RBMS3: variants seen among roughly 807,000 people sequenced by gnomAD.
The protein encoded by RBMS3 is RNA binding motif single stranded interacting protein 3, also known as RNA-binding motif, single-stranded-interacting protein 3.
In RBMS3, 27 loss-of-function variants were observed where a neutral mutation model predicts 66.8. The ratio of observed to expected loss-of-function variants is 0.40; its 90% CI spans 0.30 to 0.56. The LOEUF (loss-of-function observed/expected upper bound fraction) is 0.56, where lower values mean the gene tolerates loss of function less well. RBMS3 is among the 20% of genes least tolerant of loss of function. The pLI is 0.40. For missense variants in RBMS3, 513 were observed against 549.5 expected (o/e 0.93, Z 0.66); for synonymous variants, 188 against 183.0 (o/e 1.03, Z -0.22).
intron 1 of RBMS3, among the ~76,000 whole-genome samples, chr3:29,409,567 G>A (rs2040179977): frequency 6.6e-6 from 1 of 152,220 alleles, no homozygotes; most frequent in Non-Finnish European, 1.5e-5. Flanking sequence ...AGGCTGAGTA[G>A]TTGGGTTCTA....
chr3:29,330,071 T>C (rs958550586), intron 1 of RBMS3, among the ~76,000 whole-genome samples: 4 of 152,146 alleles, frequency 2.6e-5, no homozygotes, highest in Admixed American at 2.6e-4. Flanking sequence ...CTAGGGACTA[T>C]AGCCAGAATA....
intron 10 of RBMS3, among the ~76,000 whole-genome samples, chr3:29,911,177 T>A (rs2060504162): frequency 6.6e-6 from 1 of 150,992 alleles, no homozygotes; most frequent in Non-Finnish European, 1.5e-5. Context: ...CTAAAAGGAG[T>A]TTTTTAGACC....
intron 13 of RBMS3, among the ~76,000 whole-genome samples, chr3:29,990,460 C>CAAAAAAA (rs10596526): frequency 4.7e-5 from 5 of 106,514 alleles, no homozygotes; most frequent in Non-Finnish European, 5.8e-5. Context: ...CTGTGAGAAA[C>CAAAAAAA]AAAAAAAAAA....
chr3:29,319,122 T>C (rs1214414707), intron 1 of RBMS3, among the ~76,000 whole-genome samples: 1 of 151,912 alleles, frequency 6.6e-6, no homozygotes, highest in African/African-American at 2.4e-5. Context: ...AGAGATCAGA[T>C]CACAAAAGAT....
chr3:29,754,499 C>A (rs1395867372), intron 5 of RBMS3, among the ~76,000 whole-genome samples: 1 of 152,148 alleles, frequency 6.6e-6, no homozygotes, highest in Non-Finnish European at 1.5e-5. Flanking sequence ...AGTTGACTGA[C>A]CTCCGCTGAC....
At chr3:29,485,251 G>A (rs552830487) in intron 2 of RBMS3, among the ~76,000 whole-genome samples, 1 of 152,240 alleles carries the variant, frequency 6.6e-6, no homozygotes, top group East Asian at 1.9e-4. Flanking sequence ...TATGAAAATT[G>A]TATTGACAAG....
intron 12 of RBMS3, among the ~76,000 whole-genome samples, chr3:29,969,806 A>G (rs913752599): frequency 3.3e-5 from 5 of 152,216 alleles, no homozygotes; most frequent in Non-Finnish European, 5.9e-5. Flanking sequence ...ATAGGAAATG[A>G]ATGCTGAGTT....
At chr3:29,515,541 A>G (rs2044588129) in intron 3 of RBMS3, among the ~76,000 whole-genome samples, 1 of 152,248 alleles carries the variant, frequency 6.6e-6, no homozygotes, top group South Asian at 2.1e-4. Flanking sequence ...TAGATGCAGG[A>G]AGACAGGCTG....
chr3:29,561,095 A>G (rs116802327), intron 3 of RBMS3, among the ~76,000 whole-genome samples: 1 of 131,084 alleles, frequency 7.6e-6, no homozygotes, highest in East Asian at 2.4e-4. Context: ...GCTACATAGT[A>G]TTCCATGGTG....
intron 2 of RBMS3, among the ~76,000 whole-genome samples, chr3:29,481,780 G>T (rs945467571): frequency 6.6e-6 from 1 of 152,080 alleles, no homozygotes; most frequent in Non-Finnish European, 1.5e-5. Flanking sequence ...GGACATACTG[G>T]CTCTATCAAA....
chr3:29,789,859 A>C (rs17024378), intron 6 of RBMS3, among the ~76,000 whole-genome samples: 1 of 152,104 alleles, frequency 6.6e-6, no homozygotes, highest in Non-Finnish European at 1.5e-5. Flanking sequence ...CTTGTGACCA[A>C]AGGAAAACTA....
chr3:29,737,896 G>T (rs2054454801), intron 4 of RBMS3, among the ~76,000 whole-genome samples: 1 of 151,214 alleles, frequency 6.6e-6, no homozygotes, highest in African/African-American at 2.4e-5. Flanking sequence ...GACAGAGAAA[G>T]AGAGGGAGAT....
intron 3 of RBMS3, among the ~76,000 whole-genome samples, chr3:29,488,798 T>C (rs972620219): frequency 1.3e-5 from 2 of 152,226 alleles, no homozygotes; most frequent in Admixed American, 6.5e-5. Flanking sequence ...TCATCAGTGA[T>C]GCAAATTGAT....
At chr3:29,365,734 G>C (rs1467679507) in intron 1 of RBMS3, among the ~76,000 whole-genome samples, 2 of 152,082 alleles carry the variant, frequency 1.3e-5, no homozygotes, top group African/African-American at 4.8e-5. Context: ...CTGCCGTTAG[G>C]TACATGCAAA....
chr3:29,564,573 T>G (rs2046676193), intron 3 of RBMS3, among the ~76,000 whole-genome samples: 1 of 152,046 alleles, frequency 6.6e-6, no homozygotes, highest in Non-Finnish European at 1.5e-5. Flanking sequence ...GTTATAGGAC[T>G]TAAATGAGAT....
intron 12 of RBMS3, among the ~76,000 whole-genome samples, chr3:29,945,628 A>T (rs1449286145): frequency 6.6e-6 from 1 of 151,766 alleles, no homozygotes; most frequent in East Asian, 1.9e-4. Context: ...ATTTACCAAT[A>T]TTCATAAAAA....
At chr3:29,631,511 A>G (rs773776000) in intron 4 of RBMS3, among the ~76,000 whole-genome samples, 1 of 151,842 alleles carries the variant, frequency 6.6e-6, no homozygotes, top group Non-Finnish European at 1.5e-5. Context: ...AAATATAAGT[A>G]TAATTATTTT....
intron 6 of RBMS3, among the ~76,000 whole-genome samples, chr3:29,849,989 G>T (rs2058891322): frequency 6.6e-6 from 1 of 152,152 alleles, no homozygotes; most frequent in Admixed American, 6.5e-5. Flanking sequence ...ATGCCTACCT[G>T]CCTTTTGCAC....
rs146449387 is a variant in RBMS3 at position 29,835,307 on chromosome 3, C to T, written c.638-33551C>T. ...ATGAACCTAGCAGACATACAAAAGA[C>T]TCCATCCAAAAGCAACTGAATGCAT... is the stretch of plus-strand genomic sequence containing the variant. On this transcript the variant is annotated intron_variant, in intron 6 of 14. Transcript: ENST00000383767. Among the ~76,000 whole-genome samples, 5 of 152,026 alleles carry T rather than the reference C, an allele frequency of 3.3e-5. No individual in the cohort carries two copies. In the East Asian group the frequency reaches 9.7e-4, roughly 29 times the overall value.
Sources: gnomAD v4.1 joint callset for allele counts (sites outside exome capture counted in the v4.1 genomes callset) on GRCh38, gnomAD v4.1.1 for gene constraint, MANE v1.5 for transcripts, NCBI Gene and HGNC (gene_info 2026-07-23, HGNC 2026-07-21) for gene names.